The following MBP variants were observed in gnomAD, a reference collection of about 807,000 sequenced individuals.
The protein encoded by MBP is Golli-MBP.
Under a neutral mutation model 35.8 loss-of-function variants are expected in MBP, and 16 were observed. The observed-to-expected ratio is 0.45, with a 90% CI of 0.30 to 0.68. The LOEUF is 0.68. MBP is among the 30% of genes least tolerant of loss of function. The probability of loss-of-function intolerance (pLI) is 0.08; values close to 1 mark genes in which losing one functional copy is unlikely to be tolerated. For missense variants in MBP, 380 were observed against 404.7 expected (o/e 0.94, Z 0.52); for synonymous variants, 143 against 159.6 (o/e 0.90, Z 0.78).
At chr18:77,060,233 A>C (rs538970325) in intron 3 of MBP, among the ~76,000 whole-genome samples, 9 of 152,086 alleles carry the variant, frequency 5.9e-5, no homozygotes, top group Non-Finnish European at 1.3e-4. Context: ...GGTGCTCAAA[A>C]ATGATTTAAT....
At chr18:77,089,626 G>T (rs976576417) in intron 2 of MBP, among the ~76,000 whole-genome samples, 1 of 152,210 alleles carries the variant, frequency 6.6e-6, no homozygotes, top group Non-Finnish European at 1.5e-5. Context: ...ATAAATTCCT[G>T]TTGTTTTAGG....
chr18:77,132,320 G>C (rs1235087105), intron 1 of MBP, among the ~76,000 whole-genome samples: 1 of 152,184 alleles, frequency 6.6e-6, no homozygotes, highest in African/African-American at 2.4e-5. Context: ...CGGGGGCGGC[G>C]ACTTGGGTTC....
At chr18:77,064,296 T>C (rs770003377) in intron 3 of MBP, among the ~76,000 whole-genome samples, 16 of 152,356 alleles carry the variant, frequency 1.1e-4, no homozygotes, top group African/African-American at 3.6e-4. Flanking sequence ...CTGCTGCTCC[T>C]AGTCATGGAC....
intron 2 of MBP, among the ~76,000 whole-genome samples, chr18:77,070,980 T>C (rs1974421161): frequency 6.6e-6 from 1 of 152,176 alleles, no homozygotes; most frequent in South Asian, 2.1e-4. Flanking sequence ...TTCATGTACG[T>C]GCACACATGG....
intron 4 of MBP, among the ~76,000 whole-genome samples, chr18:77,012,092 G>A (rs1475040325): frequency 1.3e-5 from 2 of 152,234 alleles, no homozygotes; most frequent in Non-Finnish European, 2.9e-5. Flanking sequence ...ACGAGGGTCT[G>A]ATGGGACATG....
At chr18:76,994,253 C>T (rs1315974181) in intron 4 of MBP, among the ~76,000 whole-genome samples, 1 of 152,228 alleles carries the variant, frequency 6.6e-6, no homozygotes, top group South Asian at 2.1e-4. Flanking sequence ...CCAGGGCAAG[C>T]CACACCGCCT....
At chr18:77,104,906 G>A (rs1976201154) in intron 2 of MBP, among the ~76,000 whole-genome samples, 2 of 151,928 alleles carry the variant, frequency 1.3e-5, no homozygotes, top group South Asian at 4.1e-4. Flanking sequence ...TCTTCTCCGT[G>A]TCTCTTTTTT....
At chr18:77,125,936 T>C (rs2145244835) in intron 1 of MBP, among the ~76,000 whole-genome samples, 1 of 148,016 alleles carries the variant, frequency 6.8e-6, no homozygotes, top group Non-Finnish European at 1.5e-5. Flanking sequence ...AGGAAGGAAA[T>C]ACCCAAGAAA....
intron 4 of MBP, among the ~76,000 whole-genome samples, chr18:77,010,896 G>C (rs919538394): frequency 2.6e-5 from 4 of 152,204 alleles, no homozygotes; most frequent in African/African-American, 9.6e-5. Flanking sequence ...TGAAGACAGA[G>C]AGAGAAGAGA....
At chr18:77,104,362 G>T (rs1976171359) in intron 2 of MBP, among the ~76,000 whole-genome samples, 1 of 152,194 alleles carries the variant, frequency 6.6e-6, no homozygotes, top group Non-Finnish European at 1.5e-5. Context: ...CAATATGCAG[G>T]CAGGCCAGAG....
chr18:77,091,524 G>A (rs1048882672), intron 2 of MBP, among the ~76,000 whole-genome samples: 6 of 152,188 alleles, frequency 3.9e-5, no homozygotes, highest in African/African-American at 1.2e-4. Flanking sequence ...GGCTGAGTGC[G>A]GGAAGAGGCC....
chr18:77,066,602 C>T (rs1261266698), intron 2 of MBP: 1 of 747,268 alleles, frequency 1.3e-6, no homozygotes, highest in Non-Finnish European at 2.5e-6. Flanking sequence ...TAAGCACTTT[C>T]TGGACCCAGT....
At chr18:77,035,643 C>G (rs751721288) in intron 3 of MBP, among the ~76,000 whole-genome samples, 1 of 150,958 alleles carries the variant, frequency 6.6e-6, no homozygotes. Context: ...TGACACCACA[C>G]GTCACGCTGC....
chr18:77,016,290 C>T, intron 4 of MBP: 1 of 986,382 alleles, frequency 1.0e-6, no homozygotes, highest in South Asian at 4.7e-5. Context: ...CTCCCCCCTT[C>T]CACTTCTCAG....
intron 3 of MBP, among the ~76,000 whole-genome samples, chr18:77,042,544 C>T (rs937918694): frequency 6.6e-6 from 1 of 152,212 alleles, no homozygotes; most frequent in Non-Finnish European, 1.5e-5. Context: ...GCGGGATAGA[C>T]ATGACCCCCA....
intron 2 of MBP, among the ~76,000 whole-genome samples, chr18:77,094,766 A>G (rs1297341731): frequency 1.3e-5 from 2 of 152,208 alleles, no homozygotes; most frequent in Admixed American, 1.3e-4. Context: ...CAGCCAGCAC[A>G]CAGGAGAGCT....
In MBP at chr18:76,987,528, T is replaced by C. The variant is rs1249518824; in HGVS notation, c.750+967A>G. The C allele has an allele frequency of 2.0e-5, 20 of 985,598 alleles. No individual in the cohort carries two copies. In the South Asian group the frequency reaches 5.2e-4, roughly 25 times the overall value. 61.1% of individuals were successfully genotyped at this position (985,598 alleles called of 1,614,324 possible). On this transcript the variant is annotated intron_variant, in intron 7 of 8. Transcript: ENST00000355994. ...CTCTCTTCCTTCCTCTTCCCCACCT[T>C]CTGTTTTCTTTCCCTGTTCTTTCTT...
intron 3 of MBP, among the ~76,000 whole-genome samples, chr18:77,050,704 C>G (rs1231644123): frequency 6.6e-6 from 1 of 152,166 alleles, no homozygotes; most frequent in Admixed American, 6.6e-5. Flanking sequence ...TGCCATCACG[C>G]CCAGCTAATT....
intron 7 of MBP, chr18:76,985,898 C>T: frequency 2.0e-6 from 2 of 986,610 alleles, no homozygotes; most frequent in Non-Finnish European, 2.4e-6. Context: ...CCTCATCAGC[C>T]CCAGCAGCCC....
Sources: allele counts gnomAD v4.1 joint callset (sites outside exome capture counted in the v4.1 genomes callset), GRCh38; gene constraint gnomAD v4.1.1; transcripts MANE v1.5; gene names NCBI Gene and HGNC (gene_info 2026-07-23, HGNC 2026-07-21).